Variants in RSPH14 observed in about 807,000 individuals in gnomAD.
RSPH14 encodes radial spoke head 14 homolog.
In RSPH14, 20 loss-of-function variants were observed where a neutral mutation model predicts 26.7. The ratio of observed to expected loss-of-function variants is 0.75; its 90% CI spans 0.53 to 1.09. The LOEUF is 1.09. Among genes scored for constraint, RSPH14 ranks in the 50% least tolerant of loss-of-function variants. The pLI is 0.00. For missense variants in RSPH14, 449 were observed against 457.2 expected, an observed-to-expected ratio of 0.98 and a Z score of 0.16; for synonymous variants, 177 against 189.3, an observed-to-expected ratio of 0.93 and a Z score of 0.53.
intron 4 of RSPH14, among the ~76,000 whole-genome samples, chr22:23,090,214 C>G (rs1748877167): frequency 6.6e-6 from 1 of 152,098 alleles, no homozygotes; most frequent in African/African-American, 2.4e-5. Context: ...CTGCCACTTT[C>G]TCCTAATATG....
chr22:23,179,697 T>G, the RSPH14 span: 1 of 165,726 alleles, frequency 6.0e-6, no homozygotes, highest in South Asian at 2.0e-4. Context: ...GTGGTCCTGC[T>G]GTGACAAACC....
At position 23,088,409 on chromosome 22, in the gene RSPH14, C is replaced by T. The variant is rs550710268; in HGVS notation, c.422-24276G>A. The stretch of plus-strand genomic sequence containing the variant: ...TGGAGATCTGTCACTGCGCGGGCCT[C>T]CTCCCTCCCCAGACCAGCTGCTGGG... On this transcript the variant is annotated intron_variant, in intron 4 of 6. Transcript: ENST00000216036. Among the ~76,000 whole-genome samples, 95 of 152,202 alleles carry T rather than the reference C, an allele frequency of 6.2e-4. 1 individual carries two copies. The highest frequency in any genetic ancestry group is 1.2e-3 in the Non-Finnish European group (82 of 68,026).
chr22:23,135,517 T>TAAATAAATAA (rs1367188787), intron 3 of RSPH14, among the ~76,000 whole-genome samples: 2 of 105,896 alleles, frequency 1.9e-5, no homozygotes, highest in Non-Finnish European at 4.5e-5. Flanking sequence ...TAAATAAATA[T>TAAATAAATAA]AAATTAATAA....
At chr22:23,171,396 C>A in the RSPH14 span, among the ~76,000 whole-genome samples, 5 of 152,014 alleles carry the variant, frequency 3.3e-5, no homozygotes, top group African/African-American at 1.2e-4. Context: ...CACTAAAGCC[C>A]AGAACTCCTA....
chr22:23,151,064 T>C, the RSPH14 span, among the ~76,000 whole-genome samples: 277 of 152,338 alleles, frequency 1.8e-3, 3 homozygotes, highest in African/African-American at 6.5e-3. Context: ...AAGGAGCTCA[T>C]AGTCTGCTCA....
upstream of RSPH14, chr22:23,146,638 T>A: frequency 6.2e-7 from 1 of 1,614,044 alleles, no homozygotes; most frequent in Non-Finnish European, 8.5e-7. Context: ...CCTGACACCT[T>A]TGGGGCCCCC....
At chr22:23,068,003 TCTC>T (rs751964981) in intron 4 of RSPH14, among the ~76,000 whole-genome samples, 22 of 152,144 alleles carry the variant, frequency 1.4e-4, no homozygotes, top group Non-Finnish European at 2.8e-4. Flanking sequence ...ATTAAAAACT[TCTC>T]CTCCTCCTTC....
the RSPH14 span, among the ~76,000 whole-genome samples, chr22:23,176,109 G>A: frequency 6.6e-6 from 1 of 152,324 alleles, no homozygotes; most frequent in East Asian, 1.9e-4. Flanking sequence ...TTGCTCCTTG[G>A]TGCAACAGGG....
intron 4 of RSPH14, chr22:23,124,421 G>T: frequency 2.1e-6 from 1 of 469,776 alleles, no homozygotes; most frequent in Middle Eastern, 3.3e-4. Flanking sequence ...GGAGTGAGTG[G>T]CAGTCCTGCG....
At chr22:23,075,743 C>G (rs1329770913) in intron 4 of RSPH14, among the ~76,000 whole-genome samples, 1 of 152,172 alleles carries the variant, frequency 6.6e-6, no homozygotes. Context: ...CTCAGCCAGG[C>G]CTCTCATGGC....
chr22:23,073,637 A>G (rs1674750012), intron 4 of RSPH14, among the ~76,000 whole-genome samples: 2 of 152,256 alleles, frequency 1.3e-5, no homozygotes, highest in African/African-American at 4.8e-5. Context: ...GGCGCTTCAC[A>G]GGATTGAACC....
At chr22:23,150,463 G>T in the RSPH14 span, among the ~76,000 whole-genome samples, 2 of 151,834 alleles carry the variant, frequency 1.3e-5, no homozygotes, top group African/African-American at 2.4e-5. Context: ...CACCACGCCC[G>T]GCTAATTTTT....
intron 4 of RSPH14, among the ~76,000 whole-genome samples, chr22:23,077,774 A>G (rs2068546162): frequency 6.6e-6 from 1 of 152,172 alleles, no homozygotes; most frequent in Non-Finnish European, 1.5e-5. Flanking sequence ...GGGCCTTCTG[A>G]AGACCCTTCT....
chr22:23,155,861 C>A, the RSPH14 span: 1 of 995,574 alleles, frequency 1.0e-6, no homozygotes, highest in Non-Finnish European at 1.4e-6. Context: ...ATGCAGCTGG[C>A]ACAGGCCCTT....
In RSPH14 at chr22:23,119,062, C is replaced by T. The variant is rs2069933581; in HGVS notation, c.421+14964G>A. ...GAAGGCATGCTGGGGCTTCTTGCTT[C>T]CCATATGCATGCTTGAGTCACAGTT... On this transcript the variant is annotated intron_variant, in intron 4 of 6. Coordinates refer to ENST00000216036, the MANE Select transcript of RSPH14 (RefSeq NM_014433.3). Among the ~76,000 whole-genome samples, 3 of 152,238 alleles carry T rather than the reference C, an allele frequency of 2.0e-5. No homozygotes were observed. The South Asian group carries it at 6.2e-4, about 31-fold the overall frequency.
the RSPH14 span, chr22:23,155,836 C>A: frequency 1.4e-6 from 1 of 734,160 alleles, no homozygotes; most frequent in Non-Finnish European, 2.1e-6. Flanking sequence ...TCACAACAGG[C>A]ACTTCCTGAA....
At chr22:23,139,658 CTTTA>C (rs2070555058) in intron 2 of RSPH14, among the ~76,000 whole-genome samples, 1 of 152,084 alleles carries the variant, frequency 6.6e-6, no homozygotes, top group Non-Finnish European at 1.5e-5. Context: ...ACAAATCTAG[CTTTA>C]TTTATTTATT....
chr22:23,135,317 C>CAAAAAAA (rs55649510), intron 3 of RSPH14, among the ~76,000 whole-genome samples: 25 of 85,884 alleles, frequency 2.9e-4, no homozygotes, highest in African/African-American at 6.9e-4. Context: ...ACTAAAAATA[C>CAAAAAAA]AAAAAAAAAA....
the RSPH14 span, among the ~76,000 whole-genome samples, chr22:23,152,068 G>A: frequency 3.1e-3 from 467 of 152,340 alleles, 1 homozygote; most frequent in South Asian, 6.8e-3. Flanking sequence ...CCTGCACGTG[G>A]ACCCTGTGTC....
Sources: allele counts gnomAD v4.1 joint callset (sites outside exome capture counted in the v4.1 genomes callset), GRCh38; gene constraint gnomAD v4.1.1; transcripts MANE v1.5; gene names NCBI Gene and HGNC (gene_info 2026-07-23, HGNC 2026-07-21).